The following GPALPP1 variants were observed in gnomAD, a reference collection of about 807,000 sequenced individuals.
GPALPP1 encodes the protein GPALPP motifs containing 1, also known as GPALPP motifs-containing protein 1.
GPALPP1 carries 30 observed loss-of-function variants against 38.9 expected under a neutral mutation model. That is an observed-to-expected ratio of 0.77 (90% CI 0.58 to 1.05). The LOEUF is 1.05. GPALPP1 is among the 50% of genes least tolerant of loss of function. The pLI, the probability that GPALPP1 is intolerant of heterozygous loss-of-function variation, is 0.00. For missense variants in GPALPP1, 384 were observed against 408.8 expected (o/e 0.94, Z 0.52); for synonymous variants, 120 against 139.2 (o/e 0.86, Z 0.97).
Position 45,016,939 on chromosome 13 carries a change from A to G in GPALPP1, c.705+1343A>G, listed in dbSNP as rs549303014. Among the ~76,000 whole-genome samples the G allele has an allele frequency of 3.3e-5, 5 of 152,246 alleles. No homozygotes were observed. In the East Asian group the frequency reaches 7.7e-4, roughly 23 times the overall value. ...GAGCCGCTGTGCGCAGCCTCTCTCTAAAGGTTTTAATTTCTGTAAGACATC... is the reference window on the plus strand; with the variant it reads ...GAGCCGCTGTGCGCAGCCTCTCTCTGAAGGTTTTAATTTCTGTAAGACATC... On this transcript the variant is annotated intron_variant, in intron 6 of 7. Transcript: ENST00000379151.
At chr13:45,018,930 A>ATACATATAAAT in intron 6 of GPALPP1, among the ~76,000 whole-genome samples, 1 of 82,944 alleles carries the variant, frequency 1.2e-5, no homozygotes, top group Non-Finnish European at 2.1e-5. Context: ...TAAATGTATA[A>ATACATATAAAT]ATATATACAT....
intron 1 of GPALPP1, among the ~76,000 whole-genome samples, chr13:45,002,995 A>C (rs1020235980): frequency 6.6e-6 from 1 of 152,228 alleles, no homozygotes; most frequent in Admixed American, 6.5e-5. Context: ...CATTTACACT[A>C]TCTGAATTGA....
chr13:45,013,342 G>C (rs1874607698), intron 4 of GPALPP1, among the ~76,000 whole-genome samples: 1 of 152,164 alleles, frequency 6.6e-6, no homozygotes, highest in Non-Finnish European at 1.5e-5. Flanking sequence ...TAAGCAGCTG[G>C]CAGTGTCCAG....
chr13:45,004,099 G>C (rs530599557), intron 1 of GPALPP1, among the ~76,000 whole-genome samples: 1 of 152,156 alleles, frequency 6.6e-6, no homozygotes, highest in Admixed American at 6.5e-5. Context: ...TCTCATGAAA[G>C]AGATTGTGTA....
At chr13:45,033,950 C>CTTTGG (rs1369888380), downstream of GPALPP1, 4 of 152,100 alleles carry the variant, frequency 2.6e-5, no homozygotes, top group African/African-American at 7.2e-5. Context: ...GTATGAGTTT[C>CTTTGG]TTTGGTTTGG....
At chr13:45,024,551 G>C (rs1367351637) in intron 7 of GPALPP1, among the ~76,000 whole-genome samples, 1 of 149,662 alleles carries the variant, frequency 6.7e-6, no homozygotes. Context: ...TGCCCACCTT[G>C]GCCTTCCAAA....
At chr13:45,016,228 C>T (rs1259096602) in intron 6 of GPALPP1, among the ~76,000 whole-genome samples, 1 of 152,074 alleles carries the variant, frequency 6.6e-6, no homozygotes, top group Non-Finnish European at 1.5e-5. Flanking sequence ...CAAGGCAGGG[C>T]GGATCACCTG....
intron 6 of GPALPP1, among the ~76,000 whole-genome samples, chr13:45,018,829 G>A (rs978308200): frequency 6.7e-6 from 1 of 150,150 alleles, no homozygotes; most frequent in African/African-American, 2.4e-5. Flanking sequence ...CACTTCATGT[G>A]TGTGTGCTAA....
At chr13:45,036,288 T>G (rs1271950459) in exon 8 of GPALPP1, 2 of 152,250 alleles carry the variant, frequency 1.3e-5, no homozygotes, top group Non-Finnish European at 2.9e-5. Context: ...CATTGCACTT[T>G]GCCCTCTCTT....
chr13:45,027,059 C>T (rs1046161117), intron 7 of GPALPP1, among the ~76,000 whole-genome samples: 4 of 152,122 alleles, frequency 2.6e-5, no homozygotes, highest in African/African-American at 9.7e-5. Context: ...TCCATAGACT[C>T]TACTCTCTGT....
chr13:45,018,992 AAT>A (rs796830404), intron 6 of GPALPP1, among the ~76,000 whole-genome samples: 2 of 5,974 alleles, frequency 3.3e-4, no homozygotes, highest in Admixed American at 6.0e-3. Context: ...TATACATATA[AAT>A]ATATATACAT....
At chr13:45,031,378 C>A (rs1033880834), downstream of GPALPP1, 1 of 152,078 alleles carries the variant, frequency 6.6e-6, no homozygotes, top group Non-Finnish European at 1.5e-5. Context: ...TTTGTAGCTC[C>A]TCTTCCTTAT....
In GPALPP1 at chr13:45,027,889, T is replaced by C. The variant is rs1875950529; in HGVS notation, c.909T>C (p.Arg303=). 1.2e-6 allele frequency: 2 copies of C among 1,608,080 alleles called. No homozygotes were observed. The highest frequency in any genetic ancestry group is 2.2e-5 in the South Asian group (2 of 90,986). ...NKPQERIPFD[R]DKDLKVNRFD... ...CTCAAGAGAGAATACCATTTGACCG[T>C]GATAAAGATCTCAAGGTTAATCGGT... The change falls in exon 8 of 8, where the codon CGT becomes CGC. Residue 303 remains arginine, a synonymous_variant. Transcript: ENST00000379151.
At chr13:45,007,302 T>G (rs916767625) in intron 3 of GPALPP1, among the ~76,000 whole-genome samples, 2 of 152,204 alleles carry the variant, frequency 1.3e-5, no homozygotes, top group African/African-American at 2.4e-5. Flanking sequence ...CTTAAGAATA[T>G]TATTTTGGCA....
chr13:45,031,516 C>T (rs1386810581), downstream of GPALPP1: 3 of 152,166 alleles, frequency 2.0e-5, no homozygotes, highest in Non-Finnish European at 4.4e-5. Flanking sequence ...TATATATTTA[C>T]TGTTTCATCC....
intron 1 of GPALPP1, among the ~76,000 whole-genome samples, chr13:44,997,556 G>C (rs1359311136): frequency 6.6e-6 from 1 of 152,012 alleles, no homozygotes; most frequent in Non-Finnish European, 1.5e-5. Flanking sequence ...CCCTACTCCA[G>C]CTCCAAAAAC....
rs550904708 is a variant in GPALPP1, at chr13:45,021,707, A to G, written c.804+1279A>G. On this transcript the variant is annotated intron_variant, in intron 7 of 7. Transcript: ENST00000379151. ...AACTTTGCATCAAAGAAAAAATGATAATGGAAGTTAGAAAAATGTAGACCT... is the reference window on the plus strand; with the variant it reads ...AACTTTGCATCAAAGAAAAAATGATGATGGAAGTTAGAAAAATGTAGACCT... Among the ~76,000 whole-genome samples, 7 of 152,268 alleles carry G rather than the reference A, an allele frequency of 4.6e-5. No homozygotes were observed. The South Asian group carries it at 1.5e-3, about 32-fold the overall frequency.
intron 7 of GPALPP1, among the ~76,000 whole-genome samples, chr13:45,026,323 T>C (rs917732450): frequency 6.6e-6 from 1 of 152,240 alleles, no homozygotes; most frequent in African/African-American, 2.4e-5. Flanking sequence ...TAAAACGTTA[T>C]GGCTCCAGAT....
In GPALPP1 at chr13:45,019,015, AT is replaced by A. The variant is rs375762803; in HGVS notation, c.706-1314del. 1.5e-4 allele frequency among the ~76,000 whole-genome samples: 8 copies of A among 54,928 alleles called. No homozygotes were observed. The South Asian group carries it at 2.2e-3, about 15-fold the overall frequency. 36.0% of individuals were successfully genotyped at this position (54,928 alleles called of 152,430 possible). On this transcript the variant is annotated intron_variant, in intron 6 of 7. Coordinates refer to ENST00000379151, the MANE Select transcript of GPALPP1 (RefSeq NM_018559.5). ...TAAATATATATACATATAAATATAT[AT>A]ACACATATAAATATATACATAGAAA...
Sources: gnomAD v4.1 joint callset for allele counts (sites outside exome capture counted in the v4.1 genomes callset) on GRCh38, gnomAD v4.1.1 for gene constraint, MANE v1.5 for transcripts, NCBI Gene and HGNC (gene_info 2026-07-23, HGNC 2026-07-21) for gene names.